The following ORC2 variants were observed in gnomAD, a reference collection of about 807,000 sequenced individuals.
The protein encoded by ORC2 is origin recognition complex protein 2 homolog.
Under a neutral mutation model 77.7 loss-of-function variants are expected in ORC2, and 37 were observed. That is an observed-to-expected ratio of 0.48 (90% CI 0.37 to 0.63). The LOEUF (loss-of-function observed/expected upper bound fraction) is 0.63, where lower values mean the gene tolerates loss of function less well. Ranked by LOEUF, ORC2 falls within the 20% of genes least tolerant of loss-of-function variation. The probability of loss-of-function intolerance (pLI) is 0.00; values close to 1 mark genes in which losing one functional copy is unlikely to be tolerated. For synonymous variants in ORC2, 201 were observed against 229.5 expected, an observed-to-expected ratio of 0.88 and a Z score of 1.12; for missense variants, 557 against 661.9, an observed-to-expected ratio of 0.84 and a Z score of 1.74.
At chr2:200,915,202 G>A (rs903335572) in intron 15 of ORC2, among the ~76,000 whole-genome samples, 8 of 151,536 alleles carry the variant, frequency 5.3e-5, no homozygotes, top group African/African-American at 1.9e-4. Flanking sequence ...TAGTAGAGAC[G>A]GGGTTTCGCC....
chr2:200,911,525 C>A, intron 17 of ORC2, 138 bp from the exon 18 acceptor site: 1 of 552,244 alleles, frequency 1.8e-6, no homozygotes, highest in Non-Finnish European at 3.2e-6. Context: ...GGCAAAAGGG[C>A]ACACAGTCAT....
intron 9 of ORC2, 87 bp from the exon 10 acceptor site, chr2:200,934,061 G>A (rs2040990832): frequency 1.6e-6 from 1 of 627,200 alleles, no homozygotes; most frequent in Non-Finnish European, 2.8e-6. Context: ...TGTAAAATAG[G>A]ACACGTGAAA....
At chr2:200,954,339 TA>T (rs2041424509) in intron 4 of ORC2, among the ~76,000 whole-genome samples, 1 of 152,182 alleles carries the variant, frequency 6.6e-6, no homozygotes, top group Non-Finnish European at 1.5e-5. Flanking sequence ...TGGCCAAAAC[TA>T]AGTCTTTAGG....
intron 3 of ORC2, among the ~76,000 whole-genome samples, chr2:200,957,812 A>G (rs1175501613): frequency 1.3e-5 from 2 of 151,908 alleles, no homozygotes; most frequent in African/African-American, 4.8e-5. Context: ...AGTGACTACC[A>G]CTCCTGGGCA....
At chr2:200,949,485 TG>T (rs2041311958) in intron 5 of ORC2, 68 bp downstream of exon 5, 1 of 813,272 alleles carries the variant, frequency 1.2e-6, no homozygotes, top group African/African-American at 1.7e-5. Flanking sequence ...ATAATAATCA[TG>T]GGGAATGTGG....
In ORC2 at chr2:200,914,009, ACAGGAATTTAAATCC is replaced by A; in HGVS notation, c.1467-32_1467-18del. The A allele has an allele frequency of 2.8e-6, 4 of 1,442,394 alleles. No homozygotes were observed. The highest frequency in any genetic ancestry group is 1.2e-5 in the South Asian group (1 of 81,508). The allele number at this position is 1,442,394 out of a possible 1,614,324, so 89.3% of individuals were successfully genotyped here. ...AAAATTCCCCTAAAAAAAAAAAAAA[ACAGGAATTTAAATCC>A]AAAAATGTTAACATCAAAAGGTAAC... On this transcript the variant is annotated intron_variant, in intron 15 of 17. Coordinates refer to ENST00000234296, the MANE Select transcript of ORC2 (RefSeq NM_006190.5).
chr2:200,922,031 T>G (rs2040770370), intron 13 of ORC2, among the ~76,000 whole-genome samples: 1 of 150,024 alleles, frequency 6.7e-6, no homozygotes, highest in African/African-American at 2.5e-5. Context: ...ACTGTGGGAG[T>G]GGAGGGATAC....
At chr2:200,963,390 G>T (rs2041619567) in intron 1 of ORC2, 100 bp downstream of exon 1, 1 of 398,436 alleles carries the variant, frequency 2.5e-6, no homozygotes, top group Non-Finnish European at 4.4e-6. Context: ...GACGCTAGGG[G>T]CCAAGCTCCG....
At chr2:200,929,653 C>T (rs1320618441) in intron 11 of ORC2, among the ~76,000 whole-genome samples, 1 of 151,984 alleles carries the variant, frequency 6.6e-6, no homozygotes. Flanking sequence ...AAAATTAGCC[C>T]AGGCATGGTG....
chr2:200,918,029 A>G (rs2040687648), intron 15 of ORC2, among the ~76,000 whole-genome samples: 1 of 152,010 alleles, frequency 6.6e-6, no homozygotes, highest in Admixed American at 6.6e-5. Context: ...ACCTAATTCC[A>G]TGCACATTTT....
At chr2:200,922,451 AAT>A (rs1159320818) in intron 13 of ORC2, among the ~76,000 whole-genome samples, 1 of 151,900 alleles carries the variant, frequency 6.6e-6, no homozygotes. Context: ...AGAAAAATAA[AAT>A]AGTGTGAAAG....
chr2:200,911,130 C>T lies in ORC2; in HGVS notation c.*171G>A, dbSNP rs2040543361. ...ACCGCTGCATAGTACTAGACGGTAC[C>T]AGCCAGGCTGATCAAAAAGTTCTAA... is the stretch of plus-strand genomic sequence containing the variant. On this transcript the variant is annotated 3_prime_UTR_variant, in exon 18 of 18. Transcript: ENST00000234296. 1 of 584,226 alleles carries T rather than the reference C, an allele frequency of 1.7e-6. No individual in the cohort carries two copies. 36.2% of individuals were successfully genotyped at this position (584,226 alleles called of 1,614,324 possible).
At chr2:200,916,994 T>A (rs1458697723) in intron 15 of ORC2, among the ~76,000 whole-genome samples, 4 of 64,062 alleles carry the variant, frequency 6.2e-5, no homozygotes, top group Admixed American at 5.1e-4. Flanking sequence ...GTGCCCCACC[T>A]TTTTTTTTTT....
intron 15 of ORC2, among the ~76,000 whole-genome samples, chr2:200,918,781 A>AC (rs2040704519): frequency 6.6e-6 from 1 of 151,862 alleles, no homozygotes; most frequent in Non-Finnish European, 1.5e-5. Flanking sequence ...GAGCTACCAC[A>AC]CCCAGCTGAC....
intron 1 of ORC2, among the ~76,000 whole-genome samples, chr2:200,962,240 T>C (rs2041590194): frequency 6.6e-6 from 1 of 152,230 alleles, no homozygotes; most frequent in Non-Finnish European, 1.5e-5. Context: ...TTAGTGACCA[T>C]TATGACCCCT....
intron 15 of ORC2, 26 bp downstream of exon 15, chr2:200,920,196 A>G: frequency 6.3e-7 from 1 of 1,583,094 alleles, no homozygotes. Flanking sequence ...TAGTTTTTAA[A>G]AAAGAAATAT....
intron 11 of ORC2, among the ~76,000 whole-genome samples, chr2:200,929,710 T>C (rs1012084447): frequency 2.6e-5 from 4 of 151,886 alleles, no homozygotes; most frequent in African/African-American, 4.8e-5. Context: ...GGTGGGAGGA[T>C]TGCTTGAACC....
At position 200,932,363 on chromosome 2, in the gene ORC2, A is replaced by G. The variant is rs2040958981; in HGVS notation, c.808-915T>C. On this transcript the variant is annotated intron_variant, in intron 10 of 17. Coordinates refer to ENST00000234296, the MANE Select transcript of ORC2 (RefSeq NM_006190.5). ...TTTTTTTTTTTTTTTTTTTTGAGAC[A>G]GAGTCTTGCTCTGTCACCCAGCCTG... 3.7e-5 allele frequency among the ~76,000 whole-genome samples: 5 copies of G among 135,534 alleles called. No individual in the cohort carries two copies. The South Asian group carries it at 1.2e-3, about 31-fold the overall frequency. The allele number at this position is 135,534 out of a possible 152,430, so 88.9% of individuals were successfully genotyped here.
chr2:200,959,922 C>T (rs559857044), intron 1 of ORC2, among the ~76,000 whole-genome samples: 152 of 151,734 alleles, frequency 1.0e-3, no homozygotes, highest in African/African-American at 3.4e-3. Context: ...ATTAGCTGGG[C>T]GTAGTGGCAT....
Sources: gnomAD v4.1 joint callset for allele counts (sites outside exome capture counted in the v4.1 genomes callset) on GRCh38, gnomAD v4.1.1 for gene constraint, MANE v1.5 for transcripts, NCBI Gene and HGNC (gene_info 2026-07-23, HGNC 2026-07-21) for gene names.